FBXL17: variants seen among roughly 807,000 people sequenced by gnomAD.
FBXL17 encodes the protein F-box/LRR-repeat protein 17.
Under a neutral mutation model 66.2 loss-of-function variants are expected in FBXL17, and 22 were observed. That is an observed-to-expected ratio of 0.33 (90% confidence interval 0.24 to 0.47). FBXL17 has a LOEUF of 0.47. Ranked by LOEUF, FBXL17 falls within the 20% of genes least tolerant of loss-of-function variation. The probability of loss-of-function intolerance (pLI) is 1.00; values close to 1 mark genes in which losing one functional copy is unlikely to be tolerated. For synonymous variants in FBXL17, 474 were observed against 400.5 expected (o/e 1.18, Z -2.19); for missense variants, 878 against 948.2 (o/e 0.93, Z 0.97).
chr5:108,114,648 C>T (rs1750171327), intron 6 of FBXL17, among the ~76,000 whole-genome samples: 1 of 152,118 alleles, frequency 6.6e-6, no homozygotes, highest in Admixed American at 6.6e-5. Context: ...TACCCTGATA[C>T]TGAGTGGAGC....
chr5:108,022,633 T>G (rs1387227988), intron 6 of FBXL17, among the ~76,000 whole-genome samples: 1 of 152,150 alleles, frequency 6.6e-6, no homozygotes, highest in East Asian at 1.9e-4. Context: ...TCTATTTGAA[T>G]AGTTCAAAAT....
chr5:108,054,214 A>G (rs1747596291), intron 6 of FBXL17, among the ~76,000 whole-genome samples: 1 of 151,762 alleles, frequency 6.6e-6, no homozygotes, highest in African/African-American at 2.4e-5. Flanking sequence ...CATTCTGCAC[A>G]TGTATCCCGG....
intron 4 of FBXL17, among the ~76,000 whole-genome samples, chr5:108,296,891 T>C (rs1017795972): frequency 1.3e-5 from 2 of 151,608 alleles, no homozygotes; most frequent in South Asian, 4.1e-4. Flanking sequence ...ATAACAAAAA[T>C]GGTAATTTTT....
At chr5:108,197,337 T>C (rs965121798) in intron 5 of FBXL17, among the ~76,000 whole-genome samples, 9 of 152,162 alleles carry the variant, frequency 5.9e-5, no homozygotes, top group Non-Finnish European at 1.0e-4. Flanking sequence ...CAAATGTGAA[T>C]GCAAGCAAGA....
chr5:107,918,243 C>G (rs1750198757), intron 7 of FBXL17, among the ~76,000 whole-genome samples: 1 of 152,156 alleles, frequency 6.6e-6, no homozygotes, highest in Admixed American at 6.5e-5. Flanking sequence ...CTGGGGCGGC[C>G]CTTATGGTGG....
At chr5:108,247,686 A>C (rs746320429) in intron 4 of FBXL17, among the ~76,000 whole-genome samples, 2 of 152,190 alleles carry the variant, frequency 1.3e-5, no homozygotes, top group Non-Finnish European at 1.5e-5. Flanking sequence ...AGTTTTGAGG[A>C]TATTTTAATT....
At chr5:107,950,023 C>T (rs1337706425) in intron 7 of FBXL17, among the ~76,000 whole-genome samples, 1 of 152,102 alleles carries the variant, frequency 6.6e-6, no homozygotes, top group African/African-American at 2.4e-5. Context: ...GTCCCATATG[C>T]CTTTAATTTC....
rs547180395 is a variant in FBXL17 at position 108,090,268 on chromosome 5, T to A, written c.1746-69267A>T. On this transcript the variant is annotated intron_variant, in intron 6 of 8. Coordinates refer to ENST00000542267, the MANE Select transcript of FBXL17 (RefSeq NM_001163315.3). ...CTTAAAAATGCTTCCCATGTATGAA[T>A]TTGATTATGGCATACCACATGGGAG... 4.3e-4 allele frequency among the ~76,000 whole-genome samples: 66 copies of A among 152,336 alleles called. 1 individual carries two copies. The highest frequency in any genetic ancestry group is 1.5e-3 in the African/African-American group (64 of 41,574).
intron 4 of FBXL17, among the ~76,000 whole-genome samples, chr5:108,317,844 T>C (rs1325207595): frequency 1.3e-5 from 2 of 151,466 alleles, no homozygotes; most frequent in Non-Finnish European, 3.0e-5. Context: ...CAAAAGGATT[T>C]AAAATCATAC....
chr5:107,903,241 A>G (rs1274694472), intron 7 of FBXL17, among the ~76,000 whole-genome samples: 2 of 152,200 alleles, frequency 1.3e-5, no homozygotes, highest in Admixed American at 6.5e-5. Context: ...TTTAAATATT[A>G]GCTTTACTTG....
At chr5:108,120,756 C>T (rs1015816663) in intron 6 of FBXL17, among the ~76,000 whole-genome samples, 3 of 152,104 alleles carry the variant, frequency 2.0e-5, no homozygotes, top group East Asian at 3.9e-4. Context: ...TTCTTTGAGC[C>T]CAGGAGTTCG....
chr5:108,381,358 A>C lies in FBXL17; in HGVS notation c.334T>G (p.Cys112Gly). The change falls in exon 1 of 9, where the codon TGC becomes GGC. Residue 112 changes from cysteine (C) to glycine (G), a missense_variant. By Grantham distance (159) the Cys-to-Gly change is radical. This residue lies in a region of FBXL17 where 605 missense variants were observed against 509.5 expected (regional missense o/e 1.19). Coordinates refer to ENST00000542267, the MANE Select transcript of FBXL17 (RefSeq NM_001163315.3). ...RRYAALAAED[C>G]AAAARRFLLS... ...AGGAAGCGGCGGGCAGCAGCGGCGCAGTCCTCGGCGGCCAGGGCCGCGTAG... is the reference window on the plus strand; with the variant it reads ...AGGAAGCGGCGGGCAGCAGCGGCGCCGTCCTCGGCGGCCAGGGCCGCGTAG... 1 of 1,346,848 alleles carries C rather than the reference A, an allele frequency of 7.4e-7. No individual in the cohort carries two copies. The highest frequency in any genetic ancestry group is 1.9e-5 in the South Asian group (1 of 52,720). The allele number at this position is 1,346,848 out of a possible 1,614,324, so 83.4% of individuals were successfully genotyped here. A position where few individuals can be genotyped will look rare whatever the true frequency, so the allele number is the denominator to read the frequency against.
chr5:108,310,443 T>C (rs913367866), intron 4 of FBXL17, among the ~76,000 whole-genome samples: 1 of 152,202 alleles, frequency 6.6e-6, no homozygotes, highest in East Asian at 1.9e-4. Context: ...GGCCACACTA[T>C]TTCTACTTAA....
At chr5:108,110,516 T>C (rs1188725850) in intron 6 of FBXL17, among the ~76,000 whole-genome samples, 1 of 152,208 alleles carries the variant, frequency 6.6e-6, no homozygotes, top group Non-Finnish European at 1.5e-5. Context: ...GCTCTTTTTA[T>C]CAAATTTGTA....
rs544941982 is a variant in FBXL17, at chr5:108,015,837, G to A, written c.1822+5088C>T. Among the ~76,000 whole-genome samples, 5 of 152,232 alleles carry A rather than the reference G, an allele frequency of 3.3e-5. No homozygotes were observed. In the South Asian group the frequency reaches 1.0e-3, roughly 32 times the overall value. On this transcript the variant is annotated intron_variant, in intron 7 of 8. Transcript: ENST00000542267. ...CCAATAGTATCAGAAGGTCAACAAG[G>A]CTGGGGTGAGGTGTGGGTTACACCA...
At chr5:108,226,956 A>G (rs558440739) in intron 4 of FBXL17, among the ~76,000 whole-genome samples, 2 of 152,200 alleles carry the variant, frequency 1.3e-5, no homozygotes, top group South Asian at 4.1e-4. Flanking sequence ...AGACTATACC[A>G]ATGGCTCTCC....
At chr5:108,308,206 A>C (rs1369633169) in intron 4 of FBXL17, among the ~76,000 whole-genome samples, 1 of 152,132 alleles carries the variant, frequency 6.6e-6, no homozygotes, top group East Asian at 1.9e-4. Context: ...TTATTGTATT[A>C]ATAGTAAAAA....
chr5:107,880,960 A>G (rs752888888), intron 8 of FBXL17, 77 bp downstream of exon 8: 10 of 1,611,528 alleles, frequency 6.2e-6, no homozygotes, highest in East Asian at 2.2e-5. Context: ...GGAGATAGAG[A>G]AGGAGAGAGG....
rs1489647712 is a variant in FBXL17 at position 107,886,540 on chromosome 5, G to A, written c.1823-5361C>T. Among the ~76,000 whole-genome samples, 7 of 152,118 alleles carry A rather than the reference G, an allele frequency of 4.6e-5. No homozygotes were observed. The East Asian group carries it at 1.4e-3, about 29-fold the overall frequency. ...CAGGACTGGAGCAGGGAAAGTACAAGATGAGTCTGGAACATCTAGTGGTAT... is the reference window on the plus strand; with the variant it reads ...CAGGACTGGAGCAGGGAAAGTACAAAATGAGTCTGGAACATCTAGTGGTAT... On this transcript the variant is annotated intron_variant, in intron 7 of 8. Coordinates refer to ENST00000542267, the MANE Select transcript of FBXL17 (RefSeq NM_001163315.3).
Sources: allele counts gnomAD v4.1 joint callset (sites outside exome capture counted in the v4.1 genomes callset), GRCh38; gene constraint gnomAD v4.1.1; regional missense constraint gnomAD v4.1.1; transcripts MANE v1.5; gene names NCBI Gene and HGNC (gene_info 2026-07-23, HGNC 2026-07-21).